DYM: variants seen among roughly 807,000 people sequenced by gnomAD.
DYM encodes dymeclin, also known as dyggve-Melchior-Clausen syndrome protein.
A neutral mutation model predicts 93.1 loss-of-function variants in DYM; 78 were observed. That is an observed-to-expected ratio of 0.84 (90% CI 0.70 to 1.01). The LOEUF (loss-of-function observed/expected upper bound fraction) is 1.01, where lower values mean the gene tolerates loss of function less well. Ranked by LOEUF, DYM falls within the 50% of genes least tolerant of loss-of-function variation. The pLI is 0.00. For missense variants in DYM, 789 were observed against 845.0 expected (o/e 0.93, Z 0.82); for synonymous variants, 321 against 319.7 (o/e 1.00, Z -0.04).
At position 49,250,736 on chromosome 18, in the gene DYM, A is replaced by C. The variant is rs144354285; in HGVS notation, c.1460+6274T>G. ...GGTTGAAAAAGAAAAACCTACAGAA[A>C]AAAAGAGGTGACACAAAGAACTGCC... On this transcript the variant is annotated intron_variant, in intron 13 of 17. Coordinates refer to ENST00000675505, the MANE Select transcript of DYM (RefSeq NM_001353214.3). 3.5e-3 allele frequency among the ~76,000 whole-genome samples: 540 copies of C among 152,334 alleles called. 1 individual carries two copies. The highest frequency in any genetic ancestry group is 0.013 in the African/African-American group (520 of 41,588).
At chr18:49,246,141 GAT>G (rs2094159978) in intron 13 of DYM, among the ~76,000 whole-genome samples, 1 of 152,210 alleles carries the variant, frequency 6.6e-6, no homozygotes, top group African/African-American at 2.4e-5. Flanking sequence ...CAATACTTGT[GAT>G]AGGGAGTTAT....
At chr18:49,282,280 A>T in intron 9 of DYM, 105 bp from the exon 10 acceptor site, 1 of 1,130,038 alleles carries the variant, frequency 8.8e-7, no homozygotes, top group Non-Finnish European at 1.3e-6. Context: ...AATTTTATGG[A>T]AAGTCACTAC....
At chr18:49,415,321 C>CAAAA (rs71165393) in intron 2 of DYM, among the ~76,000 whole-genome samples, 3 of 86,952 alleles carry the variant, frequency 3.5e-5, no homozygotes, top group East Asian at 3.9e-4. Context: ...CTGGGTCTCT[C>CAAAA]AAAAAAAAAA....
At position 49,436,014 on chromosome 18, in the gene DYM, T is replaced by C. The variant is rs2080829587; in HGVS notation, c.-53-5567A>G. Among the ~76,000 whole-genome samples the C allele has an allele frequency of 2.0e-5, 3 of 152,142 alleles. No homozygotes were observed. In the South Asian group the frequency reaches 6.2e-4, roughly 32 times the overall value. ...ACTTAGACTAGTTTTCCAAAATAAA[T>C]TTATTTACTTATTTTAGAGATAGGG... On this transcript the variant is annotated intron_variant, in intron 1 of 17. Transcript: ENST00000675505.
rs548985728 is a variant in DYM at position 49,072,324 on chromosome 18, G to A, written c.2025+25078C>T. Among the ~76,000 whole-genome samples the A allele has an allele frequency of 2.0e-5, 3 of 152,264 alleles. No homozygotes were observed. In the Middle Eastern group the frequency reaches 0.01, roughly 518 times the overall value. ...ATGTTTAAAGGATTTCATTTTTGAAGTGGAAAAAATCACTCCTGTGAAACT... is the reference window on the plus strand; with the variant it reads ...ATGTTTAAAGGATTTCATTTTTGAAATGGAAAAAATCACTCCTGTGAAACT... On this transcript the variant is annotated intron_variant, in intron 17 of 17. Coordinates refer to ENST00000675505, the MANE Select transcript of DYM (RefSeq NM_001353214.3).
rs958865125 is a variant in DYM, at chr18:49,037,786, T to C, written c.*6269A>G. Among the ~76,000 whole-genome samples, 2 of 152,222 alleles carry C rather than the reference T, an allele frequency of 1.3e-5. No individual in the cohort carries two copies. The highest frequency in any genetic ancestry group is 4.8e-5 in the African/African-American group (2 of 41,452). On this transcript the variant is annotated 3_prime_UTR_variant, in exon 18 of 18. Transcript: ENST00000675505. ...TAAATAATTAGTCTTGATTCTATTA[T>C]GGTCAGAGAACATATTTCATTTGAA... is the stretch of plus-strand genomic sequence containing the variant.
chr18:49,163,861 T>C (rs1470842824), intron 14 of DYM, 74 bp from the exon 15 acceptor site: 4 of 900,612 alleles, frequency 4.4e-6, no homozygotes, highest in Non-Finnish European at 7.1e-6. Context: ...AAATATATAG[T>C]TCCACAGCAT....
intron 2 of DYM, among the ~76,000 whole-genome samples, chr18:49,424,830 T>C (rs1220378096): frequency 6.6e-6 from 1 of 152,066 alleles, no homozygotes; most frequent in South Asian, 2.1e-4. Flanking sequence ...GGAATCCAAC[T>C]TACAAGGGAT....
chr18:49,153,946 G>A (rs2086101645), intron 15 of DYM, among the ~76,000 whole-genome samples: 1 of 152,084 alleles, frequency 6.6e-6, no homozygotes, highest in African/African-American at 2.4e-5. Flanking sequence ...AAAAAACCCT[G>A]GCATACCTCA....
At chr18:49,130,516 G>A (rs1021942990) in intron 15 of DYM, among the ~76,000 whole-genome samples, 2 of 151,966 alleles carry the variant, frequency 1.3e-5, no homozygotes, top group Non-Finnish European at 2.9e-5. Context: ...TGTCTATTGT[G>A]CATTATTCTT....
intron 17 of DYM, among the ~76,000 whole-genome samples, chr18:49,046,482 G>C (rs1204599613): frequency 6.8e-6 from 1 of 146,510 alleles, no homozygotes; most frequent in African/African-American, 2.6e-5. Context: ...CACACACACA[G>C]ACACACACAC....
intron 2 of DYM, among the ~76,000 whole-genome samples, chr18:49,425,175 G>T: frequency 6.6e-6 from 1 of 152,130 alleles, no homozygotes; most frequent in East Asian, 1.9e-4. Flanking sequence ...AAAACAGCAT[G>T]GTACTGGTAC....
In DYM at chr18:49,286,459, G is replaced by A. The variant is rs2059670144; in HGVS notation, c.921C>T (p.Ala307=). 1 of 1,614,148 alleles carries A rather than the reference G, an allele frequency of 6.2e-7. No homozygotes were observed. The highest frequency in any genetic ancestry group is 2.2e-5 in the East Asian group (1 of 44,882). ...CTTGTGTGTTCTTGAAGGACATAATGGCTTGTCTGTAGGGGTTTGGCGCAT... is the reference window on the plus strand; with the variant it reads ...CTTGTGTGTTCTTGAAGGACATAATAGCTTGTCTGTAGGGGTTTGGCGCAT... ...ASDAPNPYRQ[A]IMSFKNTQDS... is the part of the protein sequence containing the mutation. Residue 307 remains alanine (A), a synonymous_variant, in exon 9 of 18, where the codon GCC becomes GCT. Transcript: ENST00000675505.
intron 17 of DYM, among the ~76,000 whole-genome samples, chr18:49,079,860 C>G (rs894094793): frequency 3.3e-5 from 5 of 151,430 alleles, no homozygotes; most frequent in Admixed American, 6.6e-5. Flanking sequence ...CACCTTCCCC[C>G]CCTTTCTATT....
intron 8 of DYM, among the ~76,000 whole-genome samples, chr18:49,303,233 GC>G (rs1204113473): frequency 7.9e-5 from 12 of 152,116 alleles, no homozygotes; most frequent in African/African-American, 2.7e-4. Flanking sequence ...TAGGCATTTT[GC>G]CCCTTTCTTT....
intron 5 of DYM, among the ~76,000 whole-genome samples, chr18:49,369,252 G>T (rs913776384): frequency 6.6e-6 from 1 of 152,138 alleles, no homozygotes; most frequent in African/African-American, 2.4e-5. Flanking sequence ...CTGAGCCCTC[G>T]TCTCAGTAGG....
chr18:49,454,791 C>T (rs2082833971), intron 1 of DYM, among the ~76,000 whole-genome samples: 1 of 151,660 alleles, frequency 6.6e-6, no homozygotes, highest in African/African-American at 2.4e-5. Context: ...GCCTGTAGTC[C>T]CAGCTACTCA....
At chr18:49,212,923 G>A (rs1360244413) in intron 13 of DYM, among the ~76,000 whole-genome samples, 1 of 152,068 alleles carries the variant, frequency 6.6e-6, no homozygotes, top group Non-Finnish European at 1.5e-5. Flanking sequence ...TATACTTACA[G>A]CTTGGGACAT....
intron 14 of DYM, among the ~76,000 whole-genome samples, chr18:49,198,830 G>A (rs2091740794): frequency 1.3e-5 from 2 of 151,738 alleles, no homozygotes; most frequent in Non-Finnish European, 2.9e-5. Context: ...CGATTCCTCA[G>A]GGATCTAGAA....
Sources: gnomAD v4.1 joint callset for allele counts (sites outside exome capture counted in the v4.1 genomes callset) on GRCh38, gnomAD v4.1.1 for gene constraint, MANE v1.5 for transcripts, NCBI Gene and HGNC (gene_info 2026-07-23, HGNC 2026-07-21) for gene names.